Variants in MTAP observed in about 807,000 individuals in gnomAD.
MTAP encodes the protein S-methyl-5'-thioadenosine phosphorylase.
A neutral mutation model predicts 33.6 loss-of-function variants in MTAP; 33 were observed. That is an observed-to-expected ratio of 0.98 (90% confidence interval 0.74 to 1.31). MTAP has a LOEUF of 1.31. Ranked by LOEUF, MTAP falls within the 40% of genes most tolerant of loss-of-function variation. The pLI is 0.00. For missense variants in MTAP, 367 were observed against 360.0 expected (o/e 1.02, Z -0.16); for synonymous variants, 148 against 125.7 (o/e 1.18, Z -1.19).
chr9:21,927,992 A>C (rs1818896090), intron 1 of MTAP, among the ~76,000 whole-genome samples: 2 of 152,214 alleles, frequency 1.3e-5, no homozygotes, highest in South Asian at 4.1e-4. Context: ...TGCATGGGGA[A>C]ATATGTTATC....
At chr9:21,819,836 A>C (rs1017344840) in intron 4 of MTAP, among the ~76,000 whole-genome samples, 5 of 152,100 alleles carry the variant, frequency 3.3e-5, no homozygotes, top group African/African-American at 1.2e-4. Flanking sequence ...CACCATTCTA[A>C]CTGGTGTGAG....
At chr9:21,893,281 G>T (rs1357068703) in intron 1 of MTAP, 1 of 151,952 alleles carries the variant, frequency 6.6e-6, no homozygotes, top group African/African-American at 2.4e-5. Context: ...ATCAGCACTG[G>T]TACAAAAACA....
rs528925738 is a variant in MTAP, at chr9:21,859,173, C to A, written c.691-130C>A. 17 of 1,340,526 alleles carry A rather than the reference C, an allele frequency of 1.3e-5. No homozygotes were observed. The African/African-American group carries it at 2.1e-4, about 16-fold the overall frequency. The allele number at this position is 1,340,526 out of a possible 1,614,324, so 83.0% of individuals were successfully genotyped here. ...CTCCAAATACCCTACATTGAGGATT[C>A]GGTTTCAGCAGATAAATTTGAGGGG... On this transcript the variant is annotated intron_variant, in intron 6 of 7. Transcript: ENST00000644715.
intron 1 of MTAP, among the ~76,000 whole-genome samples, chr9:21,883,474 T>C (rs976772695): frequency 4.6e-5 from 7 of 152,140 alleles, no homozygotes; most frequent in Admixed American, 2.6e-4. Context: ...AATGTGACAT[T>C]ATCCAACTAA....
intron 1 of MTAP, among the ~76,000 whole-genome samples, chr9:21,927,532 T>C (rs1304456349): frequency 6.6e-6 from 1 of 152,216 alleles, no homozygotes; most frequent in Non-Finnish European, 1.5e-5. Flanking sequence ...AACACATTCA[T>C]GTTGTGAGAT....
chr9:21,859,040 G>A, intron 6 of MTAP: 1 of 270,322 alleles, frequency 3.7e-6, no homozygotes, highest in Non-Finnish European at 6.8e-6. Flanking sequence ...AACCTCACAC[G>A]GTGGAAGGGG....
At chr9:21,843,338 C>T (rs759463213) in intron 5 of MTAP, among the ~76,000 whole-genome samples, 10 of 152,070 alleles carry the variant, frequency 6.6e-5, no homozygotes, top group African/African-American at 1.2e-4. Flanking sequence ...ACTCCACTGA[C>T]GGCACTAGAC....
chr9:21,850,733 T>A (rs919399949), intron 5 of MTAP, among the ~76,000 whole-genome samples: 5 of 152,208 alleles, frequency 3.3e-5, no homozygotes, highest in African/African-American at 9.6e-5. Context: ...GGTCATCAAG[T>A]CACCATGCGA....
Position 21,859,386 on chromosome 9 carries a change from A to G in MTAP, c.774A>G (p.Ile258Met), listed in dbSNP as rs1410197017. 6.2e-7 allele frequency: 1 copy of G among 1,613,578 alleles called. No homozygotes were observed. Among genetic ancestry groups the G allele is most frequent in the East Asian group, 2.2e-5 (1 of 44,848 alleles). Residue 258 changes from isoleucine (I) to methionine (M), a missense_variant, in exon 7 of 8, where the codon ATA (isoleucine) becomes ATG (methionine). Coordinates refer to ENST00000644715, the MANE Select transcript of MTAP (RefSeq NM_002451.4). ...KSLLLTTIPQ[I>M]GSTEWSETLH... Reference sequence around the variant, plus strand: ...TACTGCTCACTACCATACCTCAGATAGGGTCCACAGAATGGTCAGAAACCC... The same window carrying G: ...TACTGCTCACTACCATACCTCAGATGGGGTCCACAGAATGGTCAGAAACCC...
At chr9:21,904,093 G>A (rs976501659) in intron 1 of MTAP, among the ~76,000 whole-genome samples, 10 of 152,152 alleles carry the variant, frequency 6.6e-5, no homozygotes, top group Admixed American at 3.3e-4. Context: ...CAGCCTGGGC[G>A]GCCTGGGCTG....
At chr9:21,840,802 A>AGCT (rs1825224130) in intron 5 of MTAP, among the ~76,000 whole-genome samples, 1 of 152,154 alleles carries the variant, frequency 6.6e-6, no homozygotes, top group African/African-American at 2.4e-5. Context: ...TGAGTACAGG[A>AGCT]GCTGCTGCTG....
At chr9:21,843,803 G>A (rs1291315834) in intron 5 of MTAP, among the ~76,000 whole-genome samples, 1 of 151,978 alleles carries the variant, frequency 6.6e-6, no homozygotes, top group African/African-American at 2.4e-5. Flanking sequence ...GTCTGAAGGA[G>A]GACAAATCAA....
At chr9:21,859,646 G>GT in intron 7 of MTAP, 1 of 420,668 alleles carries the variant, frequency 2.4e-6, no homozygotes, top group Admixed American at 4.4e-5. Flanking sequence ...GGTTGAGAGA[G>GT]TTTTATTATC....
chr9:21,830,833 A>T (rs1824947642), intron 4 of MTAP, among the ~76,000 whole-genome samples: 1 of 152,238 alleles, frequency 6.6e-6, no homozygotes, highest in Non-Finnish European at 1.5e-5. Context: ...GCCTTTGCTT[A>T]GTTTTTATTC....
chr9:21,819,280 T>G (rs1198667354), intron 4 of MTAP, among the ~76,000 whole-genome samples: 2 of 152,140 alleles, frequency 1.3e-5, no homozygotes, highest in Non-Finnish European at 2.9e-5. Context: ...CCTGATGCTT[T>G]CCCTCCCCAC....
intron 1 of MTAP, among the ~76,000 whole-genome samples, chr9:21,911,149 C>T (rs1002687661): frequency 1.3e-5 from 2 of 152,138 alleles, no homozygotes; most frequent in African/African-American, 4.8e-5. Context: ...TAGAGACCTA[C>T]AAAGAGACTT....
intron 5 of MTAP, among the ~76,000 whole-genome samples, chr9:21,838,953 T>G (rs905048529): frequency 3.9e-5 from 6 of 152,248 alleles, no homozygotes; most frequent in Non-Finnish European, 7.3e-5. Flanking sequence ...AGTAGATGAT[T>G]TCTTTTAGCA....
downstream of MTAP, chr9:21,933,581 T>C (rs1818997651): frequency 6.6e-6 from 1 of 152,190 alleles, no homozygotes; most frequent in Non-Finnish European, 1.5e-5. Flanking sequence ...TAATTGGAAA[T>C]TGAGCAAATA....
In MTAP at chr9:21,864,625, C is replaced by T. The variant is rs1222276324; in HGVS notation, c.*2611C>T. ...GTCCTTGTGACCTGGCCCCTGTTCA[C>T]TGCCCCCTTCGCTAGCACGAGTTGC... On this transcript the variant is annotated 3_prime_UTR_variant, in exon 8 of 8. Coordinates refer to ENST00000644715, the MANE Select transcript of MTAP (RefSeq NM_002451.4). The T allele has an allele frequency of 1.0e-6, 1 of 985,400 alleles. No individual in the cohort carries two copies. The highest frequency in any genetic ancestry group is 1.7e-5 in the African/African-American group (1 of 57,254). 61.0% of individuals were successfully genotyped at this position (985,400 alleles called of 1,614,324 possible).
Sources: allele counts gnomAD v4.1 joint callset (sites outside exome capture counted in the v4.1 genomes callset), GRCh38; gene constraint gnomAD v4.1.1; transcripts MANE v1.5; gene names NCBI Gene and HGNC (gene_info 2026-07-23, HGNC 2026-07-21).